Variants in BCCIP observed in about 807,000 individuals in gnomAD.
BCCIP encodes BRCA2 and CDKN1A interacting protein, also known as BRCA2 and CDKN1A-interacting protein.
BCCIP carries 23 observed loss-of-function variants against 32.8 expected under a neutral mutation model. The ratio of observed to expected loss-of-function variants is 0.70; its 90% CI spans 0.51 to 0.99. The LOEUF is 0.99. Among genes scored for constraint, BCCIP ranks in the 50% least tolerant of loss-of-function variants. BCCIP has a pLI of 0.00. For synonymous variants in BCCIP, 144 were observed against 137.6 expected, an observed-to-expected ratio of 1.05 and a Z score of -0.33; for missense variants, 378 against 379.8, an observed-to-expected ratio of 1.00 and a Z score of 0.04.
chr10:125,836,802 C>T (rs2134018418), downstream of BCCIP: 1 of 1,614,144 alleles, frequency 6.2e-7, no homozygotes, highest in Non-Finnish European at 8.5e-7. Flanking sequence ...AATGTCCTTA[C>T]TTTCACTAGG....
chr10:125,841,140 G>C, downstream of BCCIP: 1 of 1,373,398 alleles, frequency 7.3e-7, no homozygotes, highest in South Asian at 1.4e-5. Flanking sequence ...TGTTTACTTA[G>C]AAATCCCAGA....
chr10:125,851,692 C>T (rs566607735), intron 7 of BCCIP, among the ~76,000 whole-genome samples: 9 of 152,194 alleles, frequency 5.9e-5, no homozygotes, highest in South Asian at 2.1e-4. Context: ...GCTGGTTATT[C>T]TGAGAAACTG....
intron 7 of BCCIP, among the ~76,000 whole-genome samples, chr10:125,851,056 G>T (rs1299426723): frequency 6.6e-6 from 1 of 152,192 alleles, no homozygotes; most frequent in African/African-American, 2.4e-5. Flanking sequence ...TTTAAAAAGA[G>T]GTCCAGATCA....
chr10:125,836,985 T>C (rs555335198), downstream of BCCIP: 144 of 741,412 alleles, frequency 1.9e-4, no homozygotes, highest in Non-Finnish European at 2.6e-4. Context: ...TGAACTCAGA[T>C]AGTATCTCAG....
At chr10:125,848,742 T>C (rs1345735931) in intron 7 of BCCIP, among the ~76,000 whole-genome samples, 1 of 152,174 alleles carries the variant, frequency 6.6e-6, no homozygotes, top group African/African-American at 2.4e-5. Context: ...AGGGCCCCTG[T>C]GGTGCAGAGC....
At chr10:125,829,497 C>G (rs988509994) in intron 3 of BCCIP, among the ~76,000 whole-genome samples, 1 of 152,150 alleles carries the variant, frequency 6.6e-6, no homozygotes, top group Non-Finnish European at 1.5e-5. Context: ...ACTTCCTGTC[C>G]TCCTATTCAT....
downstream of BCCIP, among the ~76,000 whole-genome samples, chr10:125,846,811 G>A (rs1463115465): frequency 1.3e-5 from 2 of 152,110 alleles, no homozygotes; most frequent in Non-Finnish European, 1.5e-5. Context: ...TTTCTTGGGC[G>A]TTTTCGACTT....
chr10:125,827,419 T>C, intron 2 of BCCIP, 139 bp from the exon 3 acceptor site: 1 of 549,552 alleles, frequency 1.8e-6, no homozygotes, highest in Non-Finnish European at 3.1e-6. Flanking sequence ...CCTGGGCTTT[T>C]CTTTCCCTCT....
intron 4 of BCCIP, 90 bp downstream of exon 4, chr10:125,830,741 A>T: frequency 1.3e-6 from 1 of 775,816 alleles, no homozygotes; most frequent in East Asian, 2.5e-5. Context: ...TTTATGTTAA[A>T]CAGTGATATT....
Position 125,836,507 on chromosome 10 carries a change from A to G in BCCIP, c.*233A>G. The G allele has an allele frequency of 1.5e-6, 2 of 1,359,020 alleles. No individual in the cohort carries two copies. Among genetic ancestry groups the G allele is most frequent in the Non-Finnish European group, 1.9e-6 (2 of 1,043,336 alleles). 84.2% of individuals were successfully genotyped at this position (1,359,020 alleles called of 1,614,324 possible). A position where few individuals can be genotyped will look rare whatever the true frequency, so the allele number is the denominator to read the frequency against. On this transcript the variant is annotated 3_prime_UTR_variant, in exon 7 of 7. Coordinates refer to ENST00000278100, the MANE Select transcript of BCCIP (RefSeq NM_078468.3). ...AGAAGAAGAAAAGCATGGAGTAGTA[A>G]TTTAAAGAACTCAATAAAAACTTCT...
chr10:125,849,369 T>G (rs1944062156), intron 7 of BCCIP, among the ~76,000 whole-genome samples: 1 of 152,104 alleles, frequency 6.6e-6, no homozygotes, highest in East Asian at 1.9e-4. Context: ...CTTTAAAACC[T>G]CTCCTGGATT....
intron 2 of BCCIP, among the ~76,000 whole-genome samples, chr10:125,827,221 C>T (rs187808481): frequency 6.6e-6 from 1 of 151,558 alleles, no homozygotes; most frequent in East Asian, 1.9e-4. Context: ...TCTCCTTATT[C>T]TTTTACTCAT....
downstream of BCCIP, among the ~76,000 whole-genome samples, chr10:125,846,319 G>T (rs1490191056): frequency 6.6e-6 from 1 of 152,124 alleles, no homozygotes; most frequent in Non-Finnish European, 1.5e-5. Flanking sequence ...GTATGGAACT[G>T]GCAGCCCCAG....
At chr10:125,842,097 C>G in exon 7 of BCCIP, 1 of 932,218 alleles carries the variant, frequency 1.1e-6, no homozygotes, top group Middle Eastern at 3.4e-4. Flanking sequence ...GATAGTGATT[C>G]TTGAGAGGGC....
intron 5 of BCCIP, 130 bp downstream of exon 5, chr10:125,831,737 G>C: frequency 1.2e-6 from 1 of 826,374 alleles, no homozygotes; most frequent in South Asian, 2.1e-5. Context: ...TAGTGTGAGG[G>C]GAGTGGAAGA....
Position 125,836,162 on chromosome 10 carries a change from G to A in BCCIP, c.833G>A (p.Gly278Asp). 3 of 1,614,222 alleles carry A rather than the reference G, an allele frequency of 1.9e-6. No individual in the cohort carries two copies. Among genetic ancestry groups the A allele is most frequent in the Non-Finnish European group, 2.5e-6 (3 of 1,180,040 alleles). Residue 278 changes from glycine to aspartate, a missense_variant, in exon 7 of 7, where the codon GGC becomes GAC. Coordinates refer to ENST00000278100, the MANE Select transcript of BCCIP (RefSeq NM_078468.3). ...GAGGAGAGCGACACTTGTCTGGGAG[G>A]CAAATGGTCTTTTGATGACGTACCA... ...VQEESDTCLG[G>D]KWSFDDVPMT...
exon 8 of BCCIP, chr10:125,853,408 A>T: frequency 2.7e-6 from 1 of 368,762 alleles, no homozygotes; most frequent in Non-Finnish European, 4.8e-6. Flanking sequence ...CCTTGTTTTC[A>T]TTTTTTCTAA....
At chr10:125,823,870 C>T in intron 1 of BCCIP, 148 bp downstream of exon 1, 1 of 1,195,064 alleles carries the variant, frequency 8.4e-7, no homozygotes, top group Admixed American at 2.3e-5. Flanking sequence ...GGTTTCTCCT[C>T]GGTCTTTAAC....
Position 125,823,612 on chromosome 10 carries a change from G to T in BCCIP, c.55G>T (p.Asp19Tyr), listed in dbSNP as rs1245105661. 1.2e-6 allele frequency: 2 copies of T among 1,614,004 alleles called. No individual in the cohort carries two copies. Among genetic ancestry groups the T allele is most frequent in the African/African-American group, 1.3e-5 (1 of 74,916 alleles). The change falls in exon 1 of 7, where the codon GAT (aspartate) becomes TAT (tyrosine). Residue 19 changes from aspartate (D) to tyrosine (Y), a missense_variant. By Grantham distance (160) the Asp-to-Tyr change is radical. Coordinates refer to ENST00000278100, the MANE Select transcript of BCCIP (RefSeq NM_078468.3). ...AVESGVPQPPDPPVQRDEEEE... is the reference protein window; with the variant it reads ...AVESGVPQPPYPPVQRDEEEE... ...GGAAAGTGGGGTTCCGCAGCCGCCG[G>T]ATCCCCCAGTCCAGCGCGACGAGGA...
Sources: gnomAD v4.1 joint callset for allele counts (sites outside exome capture counted in the v4.1 genomes callset) on GRCh38, gnomAD v4.1.1 for gene constraint, MANE v1.5 for transcripts, NCBI Gene and HGNC (gene_info 2026-07-23, HGNC 2026-07-21) for gene names.